FRMPD2: variants seen among roughly 807,000 people sequenced by gnomAD.
FRMPD2 encodes FERM and PDZ domain-containing protein 2.
Under a neutral mutation model 140.1 loss-of-function variants are expected in FRMPD2, and 96 were observed. The observed-to-expected ratio is 0.69, with a 90% CI of 0.58 to 0.81. The LOEUF (loss-of-function observed/expected upper bound fraction) is 0.81, where lower values mean the gene tolerates loss of function less well. Among genes scored for constraint, FRMPD2 ranks in the 40% least tolerant of loss-of-function variants. FRMPD2 has a pLI of 0.00. For missense variants in FRMPD2, 1,240 were observed against 1,447.4 expected (o/e 0.86, Z 2.32); for synonymous variants, 449 against 547.6 (o/e 0.82, Z 2.52).
At chr10:48,220,907 A>T (rs1214217654) in intron 12 of FRMPD2, among the ~76,000 whole-genome samples, 2 of 152,318 alleles carry the variant, frequency 1.3e-5, no homozygotes, top group East Asian at 3.9e-4. Flanking sequence ...TCACTCCTGC[A>T]AGAACGGCCA....
At chr10:48,170,578 A>G (rs1465666800) in intron 26 of FRMPD2, among the ~76,000 whole-genome samples, 3 of 150,512 alleles carry the variant, frequency 2.0e-5, no homozygotes, top group African/African-American at 7.3e-5. Context: ...CTCTTCTTAA[A>G]TTGCATTTTT....
chr10:48,244,892 G>A (rs1054993931), intron 3 of FRMPD2, 43 bp from the exon 4 acceptor site: 4 of 1,376,240 alleles, frequency 2.9e-6, no homozygotes, highest in Non-Finnish European at 4.2e-6. Flanking sequence ...AATCATCTCT[G>A]TTATTCCATG....
intron 6 of FRMPD2, 95 bp downstream of exon 6, chr10:48,240,265 G>C (rs1840073500): frequency 7.3e-7 from 1 of 1,370,334 alleles, no homozygotes; most frequent in African/African-American, 1.4e-5. Flanking sequence ...GGCTTTCTCT[G>C]CCATCACAAT....
chr10:48,179,942 G>C (rs577370241), intron 21 of FRMPD2, among the ~76,000 whole-genome samples: 33 of 152,354 alleles, frequency 2.2e-4, no homozygotes, highest in Middle Eastern at 3.4e-3. Flanking sequence ...TATCAGTTCA[G>C]CACCTGGGGC....
chr10:48,262,197 T>A (rs942744783), intron 1 of FRMPD2, among the ~76,000 whole-genome samples: 3 of 152,150 alleles, frequency 2.0e-5, no homozygotes, highest in Non-Finnish European at 2.9e-5. Flanking sequence ...AACCCAGTTA[T>A]GTTGTCTAGA....
intron 15 of FRMPD2, among the ~76,000 whole-genome samples, chr10:48,195,734 A>C (rs894402614): frequency 3.2e-4 from 48 of 152,260 alleles, no homozygotes; most frequent in African/African-American, 1.1e-3. Flanking sequence ...CTAAATATCA[A>C]AAATGGGAAG....
chr10:48,237,136 A>T (rs1839985647), intron 8 of FRMPD2, among the ~76,000 whole-genome samples: 1 of 152,048 alleles, frequency 6.6e-6, no homozygotes, highest in South Asian at 2.1e-4. Flanking sequence ...AAAAAAAAAA[A>T]AAAAAGCTTA....
chr10:48,202,595 T>C (rs1446125910), intron 14 of FRMPD2, among the ~76,000 whole-genome samples: 1 of 152,226 alleles, frequency 6.6e-6, no homozygotes, highest in Non-Finnish European at 1.5e-5. Flanking sequence ...CTTTAAATAA[T>C]GTGTTGTCTC....
At position 48,196,022 on chromosome 10, in the gene FRMPD2, G is replaced by T. The variant is rs372005411; in HGVS notation, c.1955-3128C>A. Among the ~76,000 whole-genome samples the T allele has an allele frequency of 8.5e-5, 13 of 152,294 alleles. No individual in the cohort carries two copies. In the East Asian group the frequency reaches 2.1e-3, roughly 25 times the overall value. On this transcript the variant is annotated intron_variant, in intron 15 of 28. Coordinates refer to ENST00000374201, the MANE Select transcript of FRMPD2 (RefSeq NM_001018071.4). ...GTCAATCAGGAAAGCCTTCAAGGAT[G>T]AGGTTACCCTTAAGCTTATTTACAG...
At chr10:48,223,663 C>T (rs1420682312) in intron 10 of FRMPD2, among the ~76,000 whole-genome samples, 5 of 152,188 alleles carry the variant, frequency 3.3e-5, no homozygotes, top group African/African-American at 1.2e-4. Flanking sequence ...CCCCCTCCTC[C>T]CCAGCCATGG....
rs1838527206 is a variant in FRMPD2 at position 48,180,905 on chromosome 10, T to TGA, written c.2686_2687dup (p.Gln899HisfsTer11). The TGA allele has an allele frequency of 1.2e-6, 1 of 868,256 alleles. No individual in the cohort carries two copies. Among genetic ancestry groups the TGA allele is most frequent in the Non-Finnish European group, 2.0e-6 (1 of 504,154 alleles). The allele number at this position is 868,256 out of a possible 1,614,324, so 53.8% of individuals were successfully genotyped here. ...TATTTCTGTCCTGGTCTTGTGTGTG[T>TGA]GACAACAAACTTCCCTGGTACCCGA... On this transcript the variant is annotated frameshift_variant, in exon 21 of 29. Coordinates refer to ENST00000374201, the MANE Select transcript of FRMPD2 (RefSeq NM_001018071.4). LOFTEE classifies it high-confidence loss of function.
intron 16 of FRMPD2, among the ~76,000 whole-genome samples, chr10:48,191,307 A>C (rs1037022360): frequency 6.6e-6 from 1 of 152,204 alleles, no homozygotes; most frequent in Non-Finnish European, 1.5e-5. Context: ...AGACTAGTCC[A>C]GCATCTGCTG....
At chr10:48,235,152 A>C (rs1588845733) in intron 9 of FRMPD2, among the ~76,000 whole-genome samples, 1 of 152,096 alleles carries the variant, frequency 6.6e-6, no homozygotes, top group Non-Finnish European at 1.5e-5. Flanking sequence ...AGAGTGAGCC[A>C]CCCTGACACC....
At chr10:48,176,584 A>T (rs1396117581) in intron 22 of FRMPD2, among the ~76,000 whole-genome samples, 1 of 151,768 alleles carries the variant, frequency 6.6e-6, no homozygotes, top group African/African-American at 2.4e-5. Context: ...CATTTCAAGA[A>T]TTATTTTTGA....
chr10:48,237,062 C>A (rs1310818435), intron 8 of FRMPD2, among the ~76,000 whole-genome samples: 2 of 152,012 alleles, frequency 1.3e-5, no homozygotes, highest in Non-Finnish European at 2.9e-5. Flanking sequence ...ACCCAGCTAT[C>A]CCCCTGTGGG....
intron 15 of FRMPD2, among the ~76,000 whole-genome samples, chr10:48,195,852 C>G (rs1156563323): frequency 6.6e-6 from 1 of 152,234 alleles, no homozygotes; most frequent in African/African-American, 2.4e-5. Context: ...TGTGCTGGAG[C>G]TGCTCTTGTG....
chr10:48,228,294 C>T (rs567192109), intron 10 of FRMPD2, among the ~76,000 whole-genome samples: 1 of 151,846 alleles, frequency 6.6e-6, no homozygotes, highest in East Asian at 1.9e-4. Context: ...GTAAGCTTTT[C>T]AACAATGATT....
chr10:48,271,802 A>G (rs1840771939), intron 1 of FRMPD2, among the ~76,000 whole-genome samples: 1 of 152,244 alleles, frequency 6.6e-6, no homozygotes, highest in Non-Finnish European at 1.5e-5. Flanking sequence ...ATAGAAAAGC[A>G]TAGTGGCTGG....
chr10:48,237,188 G>A (rs1839986846), intron 8 of FRMPD2, among the ~76,000 whole-genome samples: 1 of 152,084 alleles, frequency 6.6e-6, no homozygotes, highest in South Asian at 2.1e-4. Context: ...AGATAGGGTT[G>A]GGTAGGGCTT....
Sources: allele counts gnomAD v4.1 joint callset (sites outside exome capture counted in the v4.1 genomes callset), GRCh38; gene constraint gnomAD v4.1.1; transcripts MANE v1.5; gene names NCBI Gene and HGNC (gene_info 2026-07-23, HGNC 2026-07-21).